The following ROBO2 variants were observed in gnomAD, a reference collection of about 807,000 sequenced individuals.
The protein encoded by ROBO2 is roundabout guidance receptor 2.
Under a neutral mutation model 160.8 loss-of-function variants are expected in ROBO2, and 53 were observed. The observed-to-expected ratio is 0.33, with a 90% CI of 0.26 to 0.41. The LOEUF (loss-of-function observed/expected upper bound fraction) is 0.41. Ranked by LOEUF, ROBO2 falls within the 10% of genes least tolerant of loss-of-function variation. The pLI, the probability that ROBO2 is intolerant of heterozygous loss-of-function variation, is 1.00. For missense variants in ROBO2, 1,577 were observed against 1,722.4 expected (o/e 0.92, Z 1.49); for synonymous variants, 664 against 611.7 (o/e 1.09, Z -1.26).
At chr3:77,461,377 G>T (rs1039730032) in intron 2 of ROBO2, among the ~76,000 whole-genome samples, 2 of 151,866 alleles carry the variant, frequency 1.3e-5, no homozygotes, top group African/African-American at 4.8e-5. Context: ...AGACAAAATT[G>T]AATTTACTGG....
exon 1 of ROBO2, chr3:77,040,538 G>A: frequency 7.2e-7 from 1 of 1,382,456 alleles, no homozygotes; most frequent in Non-Finnish European, 9.3e-7. Context: ...GGGAATTTAG[G>A]AAGCCAGAGT....
At chr3:76,397,747 G>T (rs1195819575) in intron 2 of ROBO2, among the ~76,000 whole-genome samples, 1 of 152,192 alleles carries the variant, frequency 6.6e-6, no homozygotes, top group Non-Finnish European at 1.5e-5. Context: ...CTGGCCATCA[G>T]AGAAATGCAA....
chr3:77,100,591 T>C (rs75115734), intron 2 of ROBO2, among the ~76,000 whole-genome samples: 4,009 of 152,010 alleles, frequency 0.026, 79 homozygotes, highest in Non-Finnish European at 0.043. Flanking sequence ...ACATAAATAC[T>C]CATTGTGGTG....
intron 21 of ROBO2, among the ~76,000 whole-genome samples, chr3:77,615,176 G>T (rs1363777782): frequency 6.6e-6 from 1 of 151,316 alleles, no homozygotes; most frequent in Middle Eastern, 3.2e-3. Flanking sequence ...TAAATTAAGA[G>T]TTTTTTTTTA....
At chr3:76,367,576 A>G (rs2075886074) in intron 2 of ROBO2, among the ~76,000 whole-genome samples, 1 of 151,968 alleles carries the variant, frequency 6.6e-6, no homozygotes, top group Admixed American at 6.6e-5. Context: ...TAAGTCATAA[A>G]ACAATTTGTT....
chr3:76,614,252 G>A (rs1259628789), intron 2 of ROBO2, among the ~76,000 whole-genome samples: 1 of 151,914 alleles, frequency 6.6e-6, no homozygotes, highest in Non-Finnish European at 1.5e-5. Flanking sequence ...ATGTCATAAT[G>A]GATCTAAATC....
intron 2 of ROBO2, among the ~76,000 whole-genome samples, chr3:76,509,872 TACG>T (rs1430040486): frequency 2.0e-5 from 3 of 152,212 alleles, no homozygotes; most frequent in African/African-American, 7.2e-5. Context: ...GCCAAAATTA[TACG>T]ACGAGTAGAA....
At chr3:77,273,477 G>A (rs1006530400) in intron 2 of ROBO2, among the ~76,000 whole-genome samples, 2 of 152,174 alleles carry the variant, frequency 1.3e-5, no homozygotes, top group Admixed American at 6.6e-5. Flanking sequence ...TACAAAAAAT[G>A]AAAGTAATCT....
chr3:77,124,769 A>C (rs1229545745), intron 2 of ROBO2, among the ~76,000 whole-genome samples: 1 of 152,178 alleles, frequency 6.6e-6, no homozygotes, highest in African/African-American at 2.4e-5. Flanking sequence ...TCCAATTAAA[A>C]GTAACAAATA....
chr3:76,333,859 G>A (rs2073677181), intron 2 of ROBO2, among the ~76,000 whole-genome samples: 1 of 152,120 alleles, frequency 6.6e-6, no homozygotes, highest in Non-Finnish European at 1.5e-5. Context: ...GGATGAAGCT[G>A]GAAACCATCA....
intron 4 of ROBO2, among the ~76,000 whole-genome samples, chr3:77,490,682 A>G (rs2085992991): frequency 6.6e-6 from 1 of 152,144 alleles, no homozygotes; most frequent in Non-Finnish European, 1.5e-5. Flanking sequence ...GAGCTTACAC[A>G]CACAAACTCA....
chr3:76,258,207 T>C (rs974146574), intron 2 of ROBO2, among the ~76,000 whole-genome samples: 1 of 152,060 alleles, frequency 6.6e-6, no homozygotes, highest in African/African-American at 2.4e-5. Flanking sequence ...TTGTAAGATA[T>C]ATGCATGATT....
intron 2 of ROBO2, among the ~76,000 whole-genome samples, chr3:76,129,102 A>G (rs1211014555): frequency 6.6e-6 from 1 of 151,676 alleles, no homozygotes; most frequent in Non-Finnish European, 1.5e-5. Flanking sequence ...CATTTTTCTC[A>G]CTAAAGTTTG....
At chr3:76,155,963 A>G (rs2072390033) in intron 2 of ROBO2, among the ~76,000 whole-genome samples, 1 of 152,088 alleles carries the variant, frequency 6.6e-6, no homozygotes. Context: ...AGTCGGTTAT[A>G]TATATTTTTT....
At chr3:76,551,252 C>T (rs906861198) in intron 2 of ROBO2, among the ~76,000 whole-genome samples, 1 of 151,974 alleles carries the variant, frequency 6.6e-6, no homozygotes, top group East Asian at 2.0e-4. Flanking sequence ...CTCCTCAATT[C>T]GTAAGAACGA....
chr3:76,178,781 A>G (rs945606415), intron 2 of ROBO2, among the ~76,000 whole-genome samples: 2 of 152,030 alleles, frequency 1.3e-5, no homozygotes, highest in East Asian at 3.9e-4. Context: ...GTCTCTACTA[A>G]AAGTACAAAA....
intron 2 of ROBO2, among the ~76,000 whole-genome samples, chr3:76,837,365 A>G (rs2067795407): frequency 6.6e-6 from 1 of 151,978 alleles, no homozygotes; most frequent in African/African-American, 2.4e-5. Context: ...AAAATACCTC[A>G]AGAATCAACT....
At chr3:75,908,830 A>G (rs1946451440) in intron 1 of ROBO2, among the ~76,000 whole-genome samples, 1 of 152,220 alleles carries the variant, frequency 6.6e-6, no homozygotes. Context: ...AAGTGGATTC[A>G]CAGGGAGACT....
intron 2 of ROBO2, among the ~76,000 whole-genome samples, chr3:76,738,941 C>G (rs1178199277): frequency 6.6e-6 from 1 of 151,978 alleles, no homozygotes; most frequent in African/African-American, 2.4e-5. Flanking sequence ...AATAAATGAA[C>G]TAACTCAGCA....
Sources: gnomAD v4.1 joint callset for allele counts (sites outside exome capture counted in the v4.1 genomes callset) on GRCh38, gnomAD v4.1.1 for gene constraint, MANE v1.5 for transcripts, NCBI Gene and HGNC (gene_info 2026-07-23, HGNC 2026-07-21) for gene names.